The following PEBP4 variants were observed in gnomAD, a reference collection of about 807,000 sequenced individuals.
PEBP4 encodes the protein phosphatidylethanolamine binding protein 4.
PEBP4 carries 22 observed loss-of-function variants against 23.9 expected under a neutral mutation model. That is an observed-to-expected ratio of 0.92 (90% confidence interval 0.66 to 1.31). The LOEUF (loss-of-function observed/expected upper bound fraction) is 1.31. PEBP4 is among the 40% of genes most tolerant of loss of function. The probability of loss-of-function intolerance (pLI) is 0.00; values close to 1 mark genes in which losing one functional copy is unlikely to be tolerated. For missense variants in PEBP4, 324 were observed against 281.7 expected (o/e 1.15, Z -1.07); for synonymous variants, 112 against 99.3 (o/e 1.13, Z -0.76).
intron 3 of PEBP4, among the ~76,000 whole-genome samples, chr8:22,839,583 C>T (rs1261286921): frequency 2.0e-5 from 3 of 152,190 alleles, no homozygotes; most frequent in Non-Finnish European, 4.4e-5. Context: ...GCGAAAAGGA[C>T]TACAAGGGAT....
intron 4 of PEBP4, among the ~76,000 whole-genome samples, chr8:22,800,733 T>A (rs542090490): frequency 1.4e-4 from 22 of 152,236 alleles, no homozygotes; most frequent in African/African-American, 5.3e-4. Context: ...GCAGGTGGCA[T>A]GATACCCAGA....
At chr8:22,804,668 G>A (rs1157138458) in intron 4 of PEBP4, among the ~76,000 whole-genome samples, 1 of 152,096 alleles carries the variant, frequency 6.6e-6, no homozygotes, top group East Asian at 1.9e-4. Context: ...TCGCCCAGAT[G>A]CATATTCACA....
intron 3 of PEBP4, among the ~76,000 whole-genome samples, chr8:22,837,975 T>C (rs1807242266): frequency 7.1e-6 from 1 of 141,506 alleles, no homozygotes; most frequent in Non-Finnish European, 1.5e-5. Flanking sequence ...CTCGGCTCAC[T>C]GCAACCTCAA....
At chr8:22,829,600 G>C (rs1331249805) in intron 3 of PEBP4, among the ~76,000 whole-genome samples, 1 of 152,080 alleles carries the variant, frequency 6.6e-6, no homozygotes, top group East Asian at 1.9e-4. Context: ...AAGCTGAGTG[G>C]CTCAGGCCCC....
At chr8:22,779,611 C>T (rs1805878310) in intron 4 of PEBP4, among the ~76,000 whole-genome samples, 1 of 152,096 alleles carries the variant, frequency 6.6e-6, no homozygotes, top group Non-Finnish European at 1.5e-5. Context: ...CAAGAAGAGT[C>T]CTTTGGAAGG....
chr8:22,773,571 T>A (rs536225097), intron 4 of PEBP4, among the ~76,000 whole-genome samples: 1 of 152,240 alleles, frequency 6.6e-6, no homozygotes, highest in South Asian at 2.1e-4. Flanking sequence ...CCCCTCTCCC[T>A]ACAGAACAGC....
At chr8:22,881,839 G>A (rs1010215465) in intron 3 of PEBP4, among the ~76,000 whole-genome samples, 18 of 152,224 alleles carry the variant, frequency 1.2e-4, no homozygotes, top group African/African-American at 3.9e-4. Flanking sequence ...AGCAGGTGGG[G>A]ACTATTGACT....
intron 4 of PEBP4, among the ~76,000 whole-genome samples, chr8:22,731,517 C>T (rs7821758): frequency 1.1e-4 from 17 of 151,972 alleles, no homozygotes; most frequent in Admixed American, 1.0e-3. Flanking sequence ...ATTGGCTTCC[C>T]GTCAACAGTA....
In PEBP4 at chr8:22,777,925, C is replaced by T. The variant is rs914465761; in HGVS notation, c.357+39712G>A. On this transcript the variant is annotated intron_variant, in intron 4 of 6. Coordinates refer to ENST00000256404, the MANE Select transcript of PEBP4 (RefSeq NM_144962.3). ...AGCTTGGCTCCTTCGTTACAGCCCC[C>T]CTCCGCTCTCCTCTTTCCTTTCCCA... 2.6e-5 allele frequency among the ~76,000 whole-genome samples: 4 copies of T among 152,272 alleles called. No homozygotes were observed. In the East Asian group the frequency reaches 5.8e-4, roughly 22 times the overall value.
chr8:22,860,311 G>T (rs1351242833), intron 3 of PEBP4, among the ~76,000 whole-genome samples: 1 of 151,044 alleles, frequency 6.6e-6, no homozygotes, highest in African/African-American at 2.4e-5. Flanking sequence ...GGACATTCAC[G>T]TTGATATGCA....
chr8:22,909,005 G>C (rs1417280627), intron 3 of PEBP4, among the ~76,000 whole-genome samples: 3 of 152,232 alleles, frequency 2.0e-5, no homozygotes, highest in African/African-American at 7.2e-5. Flanking sequence ...AGATAGGGCA[G>C]GGGTTGCAGA....
intron 4 of PEBP4, among the ~76,000 whole-genome samples, chr8:22,804,050 G>T (rs1806443589): frequency 6.6e-6 from 1 of 152,202 alleles, no homozygotes; most frequent in African/African-American, 2.4e-5. Flanking sequence ...GGCAGGGGCT[G>T]GGTGCGGTGG....
At chr8:22,787,349 G>T (rs1806048917) in intron 4 of PEBP4, among the ~76,000 whole-genome samples, 2 of 152,206 alleles carry the variant, frequency 1.3e-5, no homozygotes, top group South Asian at 2.1e-4. Context: ...TTCTGGAGAA[G>T]AGGTCAGAGG....
intron 3 of PEBP4, among the ~76,000 whole-genome samples, chr8:22,889,862 G>A (rs1051089591): frequency 3.3e-5 from 5 of 152,174 alleles, no homozygotes; most frequent in African/African-American, 7.2e-5. Context: ...CGCCCTGCTC[G>A]GTGGCGATCT....
chr8:22,804,723 C>T (rs1231343133), intron 4 of PEBP4, among the ~76,000 whole-genome samples: 1 of 152,152 alleles, frequency 6.6e-6, no homozygotes, highest in South Asian at 2.1e-4. Context: ...GCTCCACCCC[C>T]AGAGATTCTG....
At chr8:22,754,113 T>G (rs1469458864) in intron 4 of PEBP4, among the ~76,000 whole-genome samples, 1 of 152,132 alleles carries the variant, frequency 6.6e-6, no homozygotes, top group African/African-American at 2.4e-5. Context: ...AATTTTATCT[T>G]TCTCAGGATG....
intron 3 of PEBP4, among the ~76,000 whole-genome samples, chr8:22,889,284 G>C (rs1808445089): frequency 1.3e-5 from 2 of 152,214 alleles, no homozygotes; most frequent in Non-Finnish European, 2.9e-5. Context: ...AGGAGGAAAA[G>C]AAGACCATGG....
chr8:22,739,354 A>G (rs1428164213), intron 4 of PEBP4, among the ~76,000 whole-genome samples: 1 of 152,204 alleles, frequency 6.6e-6, no homozygotes, highest in Non-Finnish European at 1.5e-5. Flanking sequence ...CTGCAACTCA[A>G]CTGGAGAGAA....
intron 4 of PEBP4, among the ~76,000 whole-genome samples, chr8:22,781,205 C>T (rs1198805967): frequency 6.6e-6 from 1 of 152,212 alleles, no homozygotes; most frequent in South Asian, 2.1e-4. Context: ...CCCTGTCCTG[C>T]CCACCACGTT....
Sources: gnomAD v4.1 joint callset for allele counts (sites outside exome capture counted in the v4.1 genomes callset) on GRCh38, gnomAD v4.1.1 for gene constraint, MANE v1.5 for transcripts, NCBI Gene and HGNC (gene_info 2026-07-23, HGNC 2026-07-21) for gene names.